The following STAU2 variants were observed in gnomAD, a reference collection of about 807,000 sequenced individuals.
STAU2 encodes double-stranded RNA-binding protein Staufen homolog 2.
A neutral mutation model predicts 65.9 loss-of-function variants in STAU2; 20 were observed. The ratio of observed to expected loss-of-function variants is 0.30; its 90% confidence interval spans 0.21 to 0.44. The LOEUF (loss-of-function observed/expected upper bound fraction) is 0.44. STAU2 is among the 20% of genes least tolerant of loss of function. The pLI, the probability that STAU2 is intolerant of heterozygous loss-of-function variation, is 1.00. For missense variants in STAU2, 558 were observed against 683.9 expected (o/e 0.82, Z 2.05); for synonymous variants, 232 against 233.9 (o/e 0.99, Z 0.07).
chr8:73,644,432 A>C, intron 6 of STAU2, among the ~76,000 whole-genome samples: 1 of 151,886 alleles, frequency 6.6e-6, no homozygotes, highest in East Asian at 1.9e-4. Context: ...GCAACAGAGT[A>C]AGATCCTGTC....
At chr8:73,555,680 G>A (rs4737391) in intron 12 of STAU2, among the ~76,000 whole-genome samples, 4,983 of 151,488 alleles carry the variant, frequency 0.033, 263 homozygotes, top group Admixed American at 0.13. Context: ...TTGATGTTGT[G>A]TAATCTAGAG....
chr8:73,628,076 G>A (rs1331384242), intron 6 of STAU2, among the ~76,000 whole-genome samples: 3 of 147,564 alleles, frequency 2.0e-5, no homozygotes, highest in Non-Finnish European at 4.5e-5. Context: ...TTTTTAAAAT[G>A]TAAGTTTTTT....
chr8:73,478,743 C>G (rs867530784), intron 13 of STAU2, among the ~76,000 whole-genome samples: 2 of 151,600 alleles, frequency 1.3e-5, no homozygotes, highest in South Asian at 2.1e-4. Flanking sequence ...TATTTTTAAG[C>G]CTTTTTCTCA....
intron 3 of STAU2, among the ~76,000 whole-genome samples, chr8:73,717,268 G>A (rs1249014952): frequency 6.6e-6 from 1 of 152,016 alleles, no homozygotes; most frequent in African/African-American, 2.4e-5. Context: ...GTCTTTTAAA[G>A]AGCAGATTTT....
intron 13 of STAU2, among the ~76,000 whole-genome samples, chr8:73,492,122 A>G (rs1821182257): frequency 6.6e-6 from 1 of 151,856 alleles, no homozygotes; most frequent in African/African-American, 2.4e-5. Context: ...TCTACTTTCA[A>G]CATTTAGGAG....
intron 3 of STAU2, among the ~76,000 whole-genome samples, chr8:73,710,216 T>C (rs764660660): frequency 1.3e-5 from 2 of 152,002 alleles, no homozygotes; most frequent in Non-Finnish European, 2.9e-5. Flanking sequence ...TATCCCATTA[T>C]TGTTCTTTGC....
intron 6 of STAU2, among the ~76,000 whole-genome samples, chr8:73,620,465 A>G (rs973455556): frequency 1.3e-4 from 20 of 152,286 alleles, no homozygotes; most frequent in Admixed American, 2.6e-4. Flanking sequence ...CACAGAGACA[A>G]ACAAAATTTC....
intron 13 of STAU2, among the ~76,000 whole-genome samples, chr8:73,496,070 T>C (rs968022476): frequency 1.3e-5 from 2 of 151,568 alleles, no homozygotes; most frequent in Non-Finnish European, 3.0e-5. Context: ...AAAAATGAGA[T>C]GGGTTAATAG....
intron 5 of STAU2, among the ~76,000 whole-genome samples, chr8:73,687,142 T>G (rs1024275779): frequency 3.5e-5 from 5 of 143,780 alleles, no homozygotes; most frequent in African/African-American, 1.0e-4. Flanking sequence ...TTATATAAAT[T>G]TATATAAATT....
intron 13 of STAU2, among the ~76,000 whole-genome samples, chr8:73,495,659 CCAAATA>C (rs1821372312): frequency 5.2e-5 from 2 of 38,210 alleles, no homozygotes; most frequent in Non-Finnish European, 9.8e-5. Context: ...ATTCATAAAG[CCAAATA>C]TATATATATA....
At chr8:73,606,932 A>C (rs73330830) in intron 9 of STAU2, among the ~76,000 whole-genome samples, 2,393 of 152,324 alleles carry the variant, frequency 0.016, 51 homozygotes, top group African/African-American at 0.053. Context: ...AATAAGGATG[A>C]ATCTCAAAAT....
rs530501094 is a variant in STAU2 at position 73,555,385 on chromosome 8, A to G, written c.1223-3066T>C. On this transcript the variant is annotated intron_variant, in intron 12 of 14. Transcript: ENST00000524300. ...TGGAGGCACGCAGGGGCCAAGGTCC[A>G]GGGAACTTTATCCTGATGCCATTAA... Among the ~76,000 whole-genome samples, 5 of 152,340 alleles carry G rather than the reference A, an allele frequency of 3.3e-5. No homozygotes were observed. In the East Asian group the frequency reaches 5.8e-4, roughly 18 times the overall value.
intron 6 of STAU2, among the ~76,000 whole-genome samples, chr8:73,622,894 G>C (rs2129945817): frequency 1.3e-5 from 2 of 152,338 alleles, no homozygotes; most frequent in Admixed American, 1.3e-4. Context: ...AATGCTGCTT[G>C]CAAGGCCTTT....
chr8:73,540,286 T>A (rs1158750476), intron 13 of STAU2, among the ~76,000 whole-genome samples: 2 of 152,120 alleles, frequency 1.3e-5, no homozygotes, highest in African/African-American at 2.4e-5. Context: ...GAAGGCCATG[T>A]GAAGATGGAG....
chr8:73,587,331 T>G (rs1810449870), intron 11 of STAU2, among the ~76,000 whole-genome samples: 1 of 152,108 alleles, frequency 6.6e-6, no homozygotes, highest in South Asian at 2.1e-4. Flanking sequence ...GGCCCTAAAG[T>G]ATGTACTCCA....
At chr8:73,716,091 CTT>C (rs376161218) in intron 3 of STAU2, among the ~76,000 whole-genome samples, 91 of 125,248 alleles carry the variant, frequency 7.3e-4, no homozygotes, top group Non-Finnish European at 4.6e-4. Flanking sequence ...ATTTTTTTTT[CTT>C]TTTTTTTTTT....
At chr8:73,524,212 A>G (rs1194388977) in intron 13 of STAU2, among the ~76,000 whole-genome samples, 1 of 152,192 alleles carries the variant, frequency 6.6e-6, no homozygotes, top group East Asian at 1.9e-4. Flanking sequence ...ATTTAGAGGA[A>G]GAGATGCTGG....
At chr8:73,510,037 T>C (rs917211961) in intron 13 of STAU2, among the ~76,000 whole-genome samples, 2 of 152,188 alleles carry the variant, frequency 1.3e-5, no homozygotes, top group Non-Finnish European at 2.9e-5. Flanking sequence ...AAAATATGCA[T>C]AAATCTTTAA....
chr8:73,475,061 A>C (rs1820245024), intron 13 of STAU2, among the ~76,000 whole-genome samples: 1 of 152,184 alleles, frequency 6.6e-6, no homozygotes, highest in Non-Finnish European at 1.5e-5. Context: ...GTACAAAAAC[A>C]AACACAACTA....
Sources: gnomAD v4.1 joint callset for allele counts (sites outside exome capture counted in the v4.1 genomes callset) on GRCh38, gnomAD v4.1.1 for gene constraint, MANE v1.5 for transcripts, NCBI Gene and HGNC (gene_info 2026-07-23, HGNC 2026-07-21) for gene names.